PRKAR2A: variants seen among roughly 807,000 people sequenced by gnomAD.
PRKAR2A encodes cAMP-dependent protein kinase type II-alpha regulatory subunit.
PRKAR2A carries 29 observed loss-of-function variants against 51.9 expected under a neutral mutation model. The ratio of observed to expected loss-of-function variants is 0.56; its 90% CI spans 0.42 to 0.76. The LOEUF is 0.76. Among genes scored for constraint, PRKAR2A ranks in the 30% least tolerant of loss-of-function variants. PRKAR2A has a pLI of 0.00. For synonymous variants in PRKAR2A, 178 were observed against 186.2 expected, an observed-to-expected ratio of 0.96 and a Z score of 0.36; for missense variants, 445 against 512.1, an observed-to-expected ratio of 0.87 and a Z score of 1.26.
intron 6 of PRKAR2A, among the ~76,000 whole-genome samples, chr3:48,771,377 G>A (rs1242812899): frequency 1.3e-5 from 2 of 151,970 alleles, no homozygotes; most frequent in African/African-American, 4.8e-5. Flanking sequence ...GTGTGGTGGT[G>A]CACACCTGTA....
At chr3:48,789,502 T>TC (rs2082348671) in intron 4 of PRKAR2A, among the ~76,000 whole-genome samples, 1 of 151,124 alleles carries the variant, frequency 6.6e-6, no homozygotes, top group African/African-American at 2.4e-5. Context: ...TTTTTTTTTT[T>TC]TTTTTTTAGA....
At chr3:48,825,456 G>T (rs1214121403) in intron 1 of PRKAR2A, among the ~76,000 whole-genome samples, 1 of 152,042 alleles carries the variant, frequency 6.6e-6, no homozygotes, top group Admixed American at 6.6e-5. Context: ...CTTTTGTTGA[G>T]TACAGACCCT....
At position 48,747,611 on chromosome 3, in the gene PRKAR2A, T is replaced by G. The variant is rs2081580192; in HGVS notation, c.*3974A>C. 1 of 152,212 alleles carries G rather than the reference T, an allele frequency of 6.6e-6. No individual in the cohort carries two copies. Among genetic ancestry groups the G allele is most frequent in the Non-Finnish European group, 1.5e-5 (1 of 68,046 alleles). 9.4% of individuals were successfully genotyped at this position (152,212 alleles called of 1,614,324 possible). On this transcript the variant is annotated 3_prime_UTR_variant, in exon 11 of 11. Coordinates refer to ENST00000265563, the MANE Select transcript of PRKAR2A (RefSeq NM_004157.4). ...GCAATATATGTAACACAATTATATA[T>G]GAAGACTATTGACTAACAGGACAAT... is the stretch of plus-strand genomic sequence containing the variant.
At chr3:48,757,010 G>A (rs2081781837) in intron 8 of PRKAR2A, among the ~76,000 whole-genome samples, 1 of 152,220 alleles carries the variant, frequency 6.6e-6, no homozygotes, top group Non-Finnish European at 1.5e-5. Flanking sequence ...GCCCTGCTAT[G>A]TTGGGTAGGT....
intron 6 of PRKAR2A, among the ~76,000 whole-genome samples, chr3:48,765,870 T>C (rs567888692): frequency 6.6e-6 from 1 of 152,046 alleles, no homozygotes; most frequent in Admixed American, 6.6e-5. Context: ...ACAATTAGAT[T>C]GTTCTTACCC....
At chr3:48,784,064 T>C (rs1651757456) in intron 4 of PRKAR2A, among the ~76,000 whole-genome samples, 1 of 152,162 alleles carries the variant, frequency 6.6e-6, no homozygotes, top group African/African-American at 2.4e-5. Flanking sequence ...CTTACAAATA[T>C]TGCCTGCCAT....
At chr3:48,813,900 G>A (rs1000847466) in intron 1 of PRKAR2A, among the ~76,000 whole-genome samples, 1 of 152,082 alleles carries the variant, frequency 6.6e-6, no homozygotes, top group Admixed American at 6.6e-5. Flanking sequence ...AAGGCGGGTG[G>A]ATCACCTGAG....
chr3:48,846,914 A>G (rs2083472456), intron 1 of PRKAR2A, among the ~76,000 whole-genome samples: 1 of 152,236 alleles, frequency 6.6e-6, no homozygotes, highest in Non-Finnish European at 1.5e-5. Context: ...TCTATGCTTA[A>G]AAGTTTTCAC....
chr3:48,847,328 A>G lies in PRKAR2A; in HGVS notation c.262+7T>C. 1 of 1,613,334 alleles carries G rather than the reference A, an allele frequency of 6.2e-7. No individual in the cohort carries two copies. Among genetic ancestry groups the G allele is most frequent in the Non-Finnish European group, 8.5e-7 (1 of 1,179,600 alleles). On this transcript the variant is annotated splice_region_variant and intron_variant, in intron 1 of 10. Transcript: ENST00000265563. The surrounding 1 kb of genome is among the most constrained non-coding windows in gnomAD (Gnocchi z 4.4). Reference sequence around the variant, plus strand: ...CACCACTCCCCAGGGCCCCGCCCACAGCCTACCTTCCAAGTCCTCGTCCTC... The same window carrying G: ...CACCACTCCCCAGGGCCCCGCCCACGGCCTACCTTCCAAGTCCTCGTCCTC...
At chr3:48,796,246 G>T (rs1428202001) in intron 2 of PRKAR2A, among the ~76,000 whole-genome samples, 1 of 152,186 alleles carries the variant, frequency 6.6e-6, no homozygotes, top group Admixed American at 6.6e-5. Context: ...ATAATGGCAT[G>T]AACAGTGGTG....
At chr3:48,788,710 A>G (rs1351737409) in intron 4 of PRKAR2A, among the ~76,000 whole-genome samples, 1 of 152,098 alleles carries the variant, frequency 6.6e-6, no homozygotes, top group Admixed American at 6.6e-5. Context: ...TCCTTCCACC[A>G]TGTGAGAACA....
rs888721794 is a variant in PRKAR2A, at chr3:48,747,607, T to C, written c.*3978A>G. ...TACAGCAATATATGTAACACAATTA[T>C]ATATGAAGACTATTGACTAACAGGA... On this transcript the variant is annotated 3_prime_UTR_variant, in exon 11 of 11. Coordinates refer to ENST00000265563, the MANE Select transcript of PRKAR2A (RefSeq NM_004157.4). 2 of 152,230 alleles carry C rather than the reference T, an allele frequency of 1.3e-5. No individual in the cohort carries two copies. Among genetic ancestry groups the C allele is most frequent in the Non-Finnish European group, 2.9e-5 (2 of 68,044 alleles). 9.4% of individuals were successfully genotyped at this position (152,230 alleles called of 1,614,324 possible).
At chr3:48,838,160 A>G (rs1383907505) in intron 1 of PRKAR2A, among the ~76,000 whole-genome samples, 1 of 152,118 alleles carries the variant, frequency 6.6e-6, no homozygotes, top group East Asian at 1.9e-4. Flanking sequence ...CCTGGGCGAC[A>G]GAGCAAGACT....
chr3:48,757,439 A>G (rs1043754747), intron 8 of PRKAR2A, among the ~76,000 whole-genome samples: 3 of 152,228 alleles, frequency 2.0e-5, no homozygotes, highest in Admixed American at 6.5e-5. Context: ...TGAAGTAACT[A>G]TATCTAATTT....
chr3:48,836,478 A>T (rs1225385984), intron 1 of PRKAR2A, among the ~76,000 whole-genome samples: 3 of 16,558 alleles, frequency 1.8e-4, no homozygotes, highest in Non-Finnish European at 3.7e-4. Flanking sequence ...ATATATATTA[A>T]AAAAAAAAAA....
At chr3:48,793,555 G>A (rs1002345840) in intron 3 of PRKAR2A, among the ~76,000 whole-genome samples, 4 of 152,086 alleles carry the variant, frequency 2.6e-5, no homozygotes, top group Non-Finnish European at 5.9e-5. Flanking sequence ...TTACAGGTGT[G>A]AGCCACCATG....
chr3:48,790,996 T>C (rs1274511975), intron 3 of PRKAR2A, among the ~76,000 whole-genome samples: 2 of 151,762 alleles, frequency 1.3e-5, no homozygotes, highest in Non-Finnish European at 2.9e-5. Flanking sequence ...ATAATAGATG[T>C]TAAAAGTGTT....
chr3:48,758,131 A>G (rs1047292669), intron 8 of PRKAR2A, among the ~76,000 whole-genome samples: 23 of 150,664 alleles, frequency 1.5e-4, no homozygotes, highest in Non-Finnish European at 2.8e-4. Context: ...GGTGGTGCAC[A>G]ACTGTAATCC....
At chr3:48,803,004 TTC>T (rs1352308348) in intron 2 of PRKAR2A, among the ~76,000 whole-genome samples, 5 of 152,218 alleles carry the variant, frequency 3.3e-5, no homozygotes, top group Non-Finnish European at 7.3e-5. Flanking sequence ...GGAAATTCTC[TTC>T]TGTTTTCCTA....
Sources: gnomAD v4.1 joint callset for allele counts (sites outside exome capture counted in the v4.1 genomes callset) on GRCh38, gnomAD v4.1.1 for gene constraint, Gnocchi (gnomAD v3.1) non-coding constraint, MANE v1.5 for transcripts, NCBI Gene and HGNC (gene_info 2026-07-23, HGNC 2026-07-21) for gene names.